The following DRC9 variants were observed in gnomAD, a reference collection of about 807,000 sequenced individuals.
The protein encoded by DRC9 is dynein regulatory complex protein 9.
At chr3:197,923,266 G>A in the DRC9 span, among the ~76,000 whole-genome samples, 9 of 152,080 alleles carry the variant, frequency 5.9e-5, no homozygotes, top group African/African-American at 2.2e-4. Context: ...CTACAGATGT[G>A]TACTACCACA....
At chr3:197,895,993 A>T in the DRC9 span, among the ~76,000 whole-genome samples, 2 of 146,050 alleles carry the variant, frequency 1.4e-5, no homozygotes, top group South Asian at 2.2e-4. Context: ...AAAAAAAAAA[A>T]TTAAGTAATT....
the DRC9 span, chr3:197,951,386 C>A: frequency 6.6e-7 from 1 of 1,513,814 alleles, no homozygotes; most frequent in Non-Finnish European, 9.2e-7. Context: ...CGGAGTCTTG[C>A]TCTGTTGCCG....
At chr3:197,913,325 T>C in the DRC9 span, 539 of 191,002 alleles carry the variant, frequency 2.8e-3, 1 homozygote, top group Non-Finnish European at 4.7e-3. Flanking sequence ...GCTTTGCGTG[T>C]GTGCGTGCGT....
the DRC9 span, chr3:197,944,020 T>C: frequency 3.7e-6 from 6 of 1,614,124 alleles, no homozygotes; most frequent in East Asian, 2.2e-5. Context: ...TGCCAAACTT[T>C]TGGAGGAAGG....
chr3:197,896,360 A>G, the DRC9 span, among the ~76,000 whole-genome samples: 1 of 152,204 alleles, frequency 6.6e-6, no homozygotes, highest in African/African-American at 2.4e-5. Context: ...AAAATTAATA[A>G]GTAACAGGTG....
chr3:197,944,366 C>T, the DRC9 span, among the ~76,000 whole-genome samples: 1 of 151,924 alleles, frequency 6.6e-6, no homozygotes, highest in Non-Finnish European at 1.5e-5. Flanking sequence ...TCAAGCGATT[C>T]TCCTGCCTCA....
At chr3:197,939,119 T>A in the DRC9 span, 1 of 225,746 alleles carries the variant, frequency 4.4e-6, no homozygotes, top group Non-Finnish European at 8.7e-6. Context: ...GGGGACAGTG[T>A]CTTAGAGATC....
At chr3:197,917,446 G>A in the DRC9 span, among the ~76,000 whole-genome samples, 5 of 152,182 alleles carry the variant, frequency 3.3e-5, no homozygotes, top group Non-Finnish European at 5.9e-5. Context: ...TCATTCCTAA[G>A]AGACGGAGCA....
chr3:197,953,357 C>A, the DRC9 span: 1 of 441,258 alleles, frequency 2.3e-6, no homozygotes, highest in African/African-American at 2.0e-5. Flanking sequence ...GCCTGGGTGA[C>A]AAGACAACCC....
the DRC9 span, among the ~76,000 whole-genome samples, chr3:197,895,054 C>G: frequency 6.6e-6 from 1 of 151,516 alleles, no homozygotes; most frequent in Non-Finnish European, 1.5e-5. Context: ...GAAACCCAGT[C>G]TCTTAAAAAA....
chr3:197,954,456 C>T, the DRC9 span: 1 of 418,272 alleles, frequency 2.4e-6, no homozygotes. Context: ...ACCTCAGCCC[C>T]CCAAGTAGCT....
chr3:197,926,549 T>A, the DRC9 span, among the ~76,000 whole-genome samples: 2 of 152,154 alleles, frequency 1.3e-5, no homozygotes, highest in East Asian at 3.8e-4. Flanking sequence ...GGTGAGTTGA[T>A]GTGCTGGATG....
chr3:197,899,208 A>C, the DRC9 span, among the ~76,000 whole-genome samples: 3 of 152,270 alleles, frequency 2.0e-5, no homozygotes, highest in African/African-American at 7.2e-5. Context: ...AATTTTATCA[A>C]GCTTCAAGGA....
the DRC9 span, among the ~76,000 whole-genome samples, chr3:197,940,519 T>C: frequency 6.6e-6 from 1 of 152,076 alleles, no homozygotes; most frequent in Non-Finnish European, 1.5e-5. Context: ...CATGAAAATG[T>C]ATCTGGAGAT....
chr3:197,919,851 TA>T, the DRC9 span, among the ~76,000 whole-genome samples: 1 of 152,098 alleles, frequency 6.6e-6, no homozygotes, highest in Non-Finnish European at 1.5e-5. Flanking sequence ...AGGAAAATGG[TA>T]ATGTTGTCTA....
chr3:197,923,943 G>A, the DRC9 span, among the ~76,000 whole-genome samples: 1 of 152,088 alleles, frequency 6.6e-6, no homozygotes, highest in African/African-American at 2.4e-5. Context: ...GCACGTGCCT[G>A]TAGTCCCAGC....
chr3:197,932,317 A>G, the DRC9 span: 1 of 1,604,114 alleles, frequency 6.2e-7, no homozygotes, highest in African/African-American at 1.3e-5. Flanking sequence ...AAGGAGAAAC[A>G]GACCAACAAA....
the DRC9 span, among the ~76,000 whole-genome samples, chr3:197,945,997 T>C: frequency 0.014 from 2,143 of 152,318 alleles, 52 homozygotes; most frequent in African/African-American, 0.048. Context: ...CGATTTTTAA[T>C]TGGTAATCTC....
the DRC9 span, among the ~76,000 whole-genome samples, chr3:197,947,690 T>C: frequency 6.6e-6 from 1 of 152,344 alleles, no homozygotes; most frequent in African/African-American, 2.4e-5. Context: ...TGGACCCGTA[T>C]GGAGTATATC....
Sources: gnomAD v4.1 joint callset for allele counts (sites outside exome capture counted in the v4.1 genomes callset) on GRCh38, gnomAD v4.1.1 for gene constraint, MANE v1.5 for transcripts, NCBI Gene and HGNC (gene_info 2026-07-23, HGNC 2026-07-21) for gene names.